COL17A1: variants seen among roughly 807,000 people sequenced by gnomAD.
COL17A1 encodes collagen alpha-1(XVII) chain.
A neutral mutation model predicts 218.4 loss-of-function variants in COL17A1; 181 were observed. The observed-to-expected ratio is 0.83, with a 90% confidence interval of 0.73 to 0.94. The LOEUF (loss-of-function observed/expected upper bound fraction) is 0.94. Ranked by LOEUF, COL17A1 falls within the 40% of genes least tolerant of loss-of-function variation. The pLI, the probability that COL17A1 is intolerant of heterozygous loss-of-function variation, is 0.00. For synonymous variants in COL17A1, 721 were observed against 731.0 expected (o/e 0.99, Z 0.22); for missense variants, 1,924 against 1,945.9 (o/e 0.99, Z 0.21).
intron 51 of COL17A1, 23 bp downstream of exon 51, chr10:104,034,598 G>A (rs775854368): frequency 1.2e-6 from 2 of 1,606,424 alleles, no homozygotes; most frequent in Non-Finnish European, 1.7e-6. Context: ...TGCCTGGTGG[G>A]GCATCACCGT....
At chr10:104,034,887 G>T in intron 50 of COL17A1, 120 bp from the exon 51 acceptor site, 1 of 1,240,778 alleles carries the variant, frequency 8.1e-7, no homozygotes, top group Non-Finnish European at 1.1e-6. Flanking sequence ...TGGGCCTCCC[G>T]GGTGATGGGA....
At chr10:104,065,158 G>C (rs1408577185) in intron 9 of COL17A1, among the ~76,000 whole-genome samples, 1 of 152,200 alleles carries the variant, frequency 6.6e-6, no homozygotes, top group African/African-American at 2.4e-5. Flanking sequence ...GTGCCCCCAA[G>C]AGAGGATTTT....
At chr10:104,048,970 T>G (rs1472369404) in intron 29 of COL17A1, among the ~76,000 whole-genome samples, 3 of 152,064 alleles carry the variant, frequency 2.0e-5, no homozygotes, top group African/African-American at 7.2e-5. Context: ...ATTACAGGCG[T>G]GAATCACTGC....
rs752392248 is a variant in COL17A1 at position 104,060,205 on chromosome 10, G to A, written c.1055C>T (p.Thr352Ile). Residue 352 changes from threonine to isoleucine, a missense_variant, in exon 14 of 56, where the codon ACA (threonine) becomes ATA (isoleucine). Thr to Ile is a moderately conservative substitution (Grantham distance 89). Coordinates refer to ENST00000648076, the MANE Select transcript of COL17A1 (RefSeq NM_000494.4). ...CKFLILEKDNTPAKKEMELLI... is the reference protein window; with the variant it reads ...CKFLILEKDNIPAKKEMELLI... ...CAGCTCCATCTCCTTCTTGGCAGGT[G>A]TGTTGTCTTTCTCTAGGATCAGGAA... 2 of 1,614,210 alleles carry A rather than the reference G, an allele frequency of 1.2e-6. No individual in the cohort carries two copies. The highest frequency in any genetic ancestry group is 1.1e-5 in the South Asian group (1 of 91,086).
At chr10:104,038,167 G>A (rs573264818) in intron 45 of COL17A1, among the ~76,000 whole-genome samples, 3 of 152,192 alleles carry the variant, frequency 2.0e-5, no homozygotes, top group African/African-American at 7.2e-5. Flanking sequence ...GTGTTGGGGA[G>A]CTCATAGGCC....
At chr10:104,049,981 G>A in intron 28 of COL17A1, 108 bp downstream of exon 28, 1 of 1,544,668 alleles carries the variant, frequency 6.5e-7, no homozygotes, top group Non-Finnish European at 8.9e-7. Flanking sequence ...TTCCCTGAAG[G>A]GTTTTAAACA....
In COL17A1 at chr10:104,062,294, T is replaced by C; in HGVS notation, c.874A>G (p.Thr292Ala). 6.2e-7 allele frequency: 1 copy of C among 1,614,144 alleles called. No homozygotes were observed. The highest frequency in any genetic ancestry group is 8.5e-7 in the Non-Finnish European group (1 of 1,180,024). The change falls in exon 12 of 56, where the codon ACC becomes GCC. Residue 292 changes from threonine to alanine, a missense_variant. By Grantham distance (58) the Thr-to-Ala change is moderately conservative. Transcript: ENST00000648076. Reference sequence around the variant, plus strand: ...GTGGTGGTGCCATGGGACAGGGTGGTCAAGCTGGGGGCCAGATTGTTCTGC... The same window carrying C: ...GTGGTGGTGCCATGGGACAGGGTGGCCAAGCTGGGGGCCAGATTGTTCTGC... ...GMQNNLAPSL[T>A]TLSHGTTTTS...
intron 7 of COL17A1, among the ~76,000 whole-genome samples, chr10:104,072,361 G>C (rs1397747140): frequency 2.0e-5 from 3 of 152,210 alleles, no homozygotes; most frequent in Non-Finnish European, 4.4e-5. Flanking sequence ...ATCAGCAATG[G>C]TCAATCCTTT....
At chr10:104,084,135 G>T (rs2086787908) in intron 1 of COL17A1, among the ~76,000 whole-genome samples, 1 of 152,198 alleles carries the variant, frequency 6.6e-6, no homozygotes, top group African/African-American at 2.4e-5. Flanking sequence ...GAGCAGGTGG[G>T]ATAGGGCACC....
rs1305078638 is a variant in COL17A1, at chr10:104,035,142, C to T, written c.3619+121G>A. On this transcript the variant is annotated intron_variant, in intron 50 of 55. Coordinates refer to ENST00000648076, the MANE Select transcript of COL17A1 (RefSeq NM_000494.4). ...CCAGCACATGTGGCGCTCTCCAGGG[C>T]CCTGCACCCAGCACTGTACAGGCTC... 6 of 877,238 alleles carry T rather than the reference C, an allele frequency of 6.8e-6. 1 individual carries two copies. The South Asian group carries it at 7.1e-5, about 10-fold the overall frequency. 54.3% of individuals were successfully genotyped at this position (877,238 alleles called of 1,614,324 possible). A position where few individuals can be genotyped will look rare whatever the true frequency, so the allele number is the denominator to read the frequency against.
At chr10:104,060,369 GAGA>G (rs2086572343) in intron 13 of COL17A1, 89 bp from the exon 14 acceptor site, 5 of 1,558,014 alleles carry the variant, frequency 3.2e-6, no homozygotes, top group Non-Finnish European at 4.3e-6. Flanking sequence ...GGAGAAGAAA[GAGA>G]AGGAGGAGGG....
intron 1 of COL17A1, among the ~76,000 whole-genome samples, chr10:104,081,085 G>A (rs1284629902): frequency 6.6e-6 from 1 of 152,160 alleles, no homozygotes; most frequent in African/African-American, 2.4e-5. Context: ...TCATTTTAAT[G>A]TCTCCCATAA....
At chr10:104,044,854 T>C (rs538782914) in intron 33 of COL17A1, among the ~76,000 whole-genome samples, 5 of 152,244 alleles carry the variant, frequency 3.3e-5, no homozygotes, top group African/African-American at 7.2e-5. Flanking sequence ...TTCGTGAACA[T>C]ATCCACGGAC....
At chr10:104,040,577 G>T (rs2086348975) in intron 39 of COL17A1, among the ~76,000 whole-genome samples, 167 bp from the exon 40 acceptor site, 1 of 145,502 alleles carries the variant, frequency 6.9e-6, no homozygotes, top group African/African-American at 2.5e-5. Flanking sequence ...TGGGTGGATG[G>T]ATGGATGGAT....
At position 104,035,531 on chromosome 10, in the gene COL17A1, G is replaced by A. The variant is rs752387848; in HGVS notation, c.3451C>T (p.Pro1151Ser). 17 of 1,614,002 alleles carry A rather than the reference G, an allele frequency of 1.1e-5. No homozygotes were observed. The highest frequency in any genetic ancestry group is 1.4e-5 in the Non-Finnish European group (17 of 1,179,970). The stretch of plus-strand genomic sequence containing the variant: ...GTTCCCGGCAAGCCAGGGGGCCCCG[G>A]GGGACCAGGAAGCCCAATGCTGATC... ...SGISIGLPGP[P>S]GPPGLPGTSY... Residue 1151 changes from proline (P) to serine (S), a missense_variant, in exon 49 of 56, where the codon CCG becomes TCG. Transcript: ENST00000648076.
intron 1 of COL17A1, among the ~76,000 whole-genome samples, chr10:104,085,480 C>T (rs990805641): frequency 4.6e-5 from 7 of 152,178 alleles, no homozygotes; most frequent in African/African-American, 1.4e-4. Flanking sequence ...CTCTAAAGCC[C>T]GCTATATTTT....
At chr10:104,077,626 G>T in intron 3 of COL17A1, 100 bp from the exon 4 acceptor site, 1 of 920,170 alleles carries the variant, frequency 1.1e-6, no homozygotes, top group Non-Finnish European at 1.7e-6. Context: ...TTTTCACCAG[G>T]ACCTTCTTAG....
At chr10:104,035,171 G>A (rs1470767645) in intron 50 of COL17A1, 92 bp downstream of exon 50, 3 of 1,077,722 alleles carry the variant, frequency 2.8e-6, no homozygotes, top group African/African-American at 1.6e-5. Context: ...CAGGCTCCAG[G>A]AGCACTTAGA....
At chr10:104,054,223 T>TA in intron 20 of COL17A1, 105 bp from the exon 21 acceptor site, 1 of 1,144,848 alleles carries the variant, frequency 8.7e-7, no homozygotes, top group East Asian at 2.5e-5. Context: ...ACTTAGGAAA[T>TA]AAAAATGCAG....
Sources: allele counts gnomAD v4.1 joint callset (sites outside exome capture counted in the v4.1 genomes callset), GRCh38; gene constraint gnomAD v4.1.1; transcripts MANE v1.5; gene names NCBI Gene and HGNC (gene_info 2026-07-23, HGNC 2026-07-21).